Variants in PCDH15 observed in about 807,000 individuals in gnomAD.
The protein encoded by PCDH15 is protocadherin related 15, also known as protocadherin-15.
Under a neutral mutation model 178.5 loss-of-function variants are expected in PCDH15, and 129 were observed. The observed-to-expected ratio is 0.72, with a 90% confidence interval of 0.63 to 0.84. The LOEUF (loss-of-function observed/expected upper bound fraction) is 0.84. Ranked by LOEUF, PCDH15 falls within the 40% of genes least tolerant of loss-of-function variation. The pLI is 0.00. For missense variants in PCDH15, 2,230 were observed against 2,099.9 expected (o/e 1.06, Z -1.21); for synonymous variants, 800 against 732.0 (o/e 1.09, Z -1.50).
chr10:54,062,264 T>TAAA (rs1590190592), intron 18 of PCDH15, among the ~76,000 whole-genome samples: 11 of 77,814 alleles, frequency 1.4e-4, no homozygotes, highest in African/African-American at 3.2e-4. Context: ...AAAAAACAAC[T>TAAA]AAATGAAAAC....
chr10:55,390,225 C>T (rs756154196), intron 2 of PCDH15, among the ~76,000 whole-genome samples: 104 of 151,996 alleles, frequency 6.8e-4, no homozygotes, highest in Non-Finnish European at 1.3e-3. Flanking sequence ...AAGGTATACA[C>T]CTTAATTAAA....
chr10:54,974,865 T>C lies in PCDH15; in HGVS notation c.-79-77365A>G, dbSNP rs372825232. ...TAGAGAACTTTTTCATGCATATTTA[T>C]TTGGGTTTAAGGTAAATCCTAATTA... On this transcript the variant is annotated intron_variant, in intron 2 of 5. Transcript: ENST00000458638. Among the ~76,000 whole-genome samples, 14 of 152,306 alleles carry C rather than the reference T, an allele frequency of 9.2e-5. No homozygotes were observed. In the East Asian group the frequency reaches 2.7e-3, roughly 29 times the overall value.
chr10:54,635,644 G>T (rs2134799329), intron 2 of PCDH15, among the ~76,000 whole-genome samples: 1 of 151,558 alleles, frequency 6.6e-6, no homozygotes, highest in Non-Finnish European at 1.5e-5. Flanking sequence ...AATGTGTTAT[G>T]GTAACAAATA....
chr10:54,757,528 G>A lies in PCDH15; in HGVS notation c.-29+43397C>T, dbSNP rs538913220. On this transcript the variant is annotated intron_variant, in intron 1 of 37. Coordinates refer to ENST00000644397, the MANE Select transcript of PCDH15 (RefSeq NM_001384140.1). ...GATCTCCTGACCTCGTGATCCGCCC[G>A]TCTCGGCCTCCCAAAGTGCTGGGAT... Among the ~76,000 whole-genome samples, 4 of 32,454 alleles carry A rather than the reference G, an allele frequency of 1.2e-4. No individual in the cohort carries two copies. In the South Asian group the frequency reaches 1.7e-3, roughly 14 times the overall value. The allele number at this position is 32,454 out of a possible 152,430, so 21.3% of individuals were successfully genotyped here. A position where few individuals can be genotyped will look rare whatever the true frequency, so the allele number is the denominator to read the frequency against.
intron 2 of PCDH15, among the ~76,000 whole-genome samples, chr10:55,007,720 G>C (rs1839965636): frequency 6.6e-6 from 1 of 152,094 alleles, no homozygotes; most frequent in Non-Finnish European, 1.5e-5. Context: ...CTTCTGGCTT[G>C]AAGGAATACT....
chr10:55,246,205 A>G (rs1338483086), intron 1 of PCDH15, among the ~76,000 whole-genome samples: 3 of 152,216 alleles, frequency 2.0e-5, no homozygotes, highest in South Asian at 2.1e-4. Flanking sequence ...TCGGCTATGA[A>G]TAAATATCAA....
At chr10:53,889,689 C>T (rs2133460222) in intron 26 of PCDH15, among the ~76,000 whole-genome samples, 1 of 152,234 alleles carries the variant, frequency 6.6e-6, no homozygotes, top group African/African-American at 2.4e-5. Flanking sequence ...CCTAGAATTT[C>T]TACTCCTAAG....
intron 2 of PCDH15, among the ~76,000 whole-genome samples, chr10:54,905,430 T>C (rs1463589053): frequency 2.0e-5 from 3 of 151,764 alleles, no homozygotes; most frequent in Admixed American, 6.6e-5. Flanking sequence ...GCTAATGGAG[T>C]TTCCAAGCAT....
chr10:54,305,319 T>C (rs1225002925), intron 8 of PCDH15, among the ~76,000 whole-genome samples: 1 of 152,004 alleles, frequency 6.6e-6, no homozygotes, highest in African/African-American at 2.4e-5. Context: ...AGGAATATAT[T>C]TTATCTAGGT....
intron 2 of PCDH15, among the ~76,000 whole-genome samples, chr10:55,073,905 C>A: frequency 6.6e-6 from 1 of 151,872 alleles, no homozygotes; most frequent in East Asian, 1.9e-4. Context: ...TTGTTCCCCT[C>A]CCTGTGTCCA....
intron 2 of PCDH15, among the ~76,000 whole-genome samples, chr10:55,371,323 C>T (rs1845503433): frequency 6.6e-6 from 1 of 152,062 alleles, no homozygotes; most frequent in African/African-American, 2.4e-5. Flanking sequence ...CCCCAAACTT[C>T]AGAATCAGAA....
chr10:54,281,482 C>A (rs2058702560), intron 8 of PCDH15, among the ~76,000 whole-genome samples: 1 of 151,754 alleles, frequency 6.6e-6, no homozygotes, highest in Non-Finnish European at 1.5e-5. Context: ...GTCTATTAAT[C>A]TTCTCTCTTA....
At chr10:55,363,051 T>C (rs867499747) in intron 2 of PCDH15, among the ~76,000 whole-genome samples, 1 of 152,194 alleles carries the variant, frequency 6.6e-6, no homozygotes, top group African/African-American at 2.4e-5. Flanking sequence ...CTGGACCACA[T>C]GCAGTCCATG....
At chr10:55,341,762 CATAT>C (rs775413614) in intron 2 of PCDH15, among the ~76,000 whole-genome samples, 452 of 43,880 alleles carry the variant, frequency 0.01, 3 homozygotes, top group Middle Eastern at 0.025. Context: ...CATACATATG[CATAT>C]ATATATATAT....
chr10:53,846,663 C>A (rs2077998207), intron 28 of PCDH15, among the ~76,000 whole-genome samples: 1 of 151,968 alleles, frequency 6.6e-6, no homozygotes, highest in African/African-American at 2.4e-5. Context: ...CAATTTACAG[C>A]ATTACCTTAT....
chr10:55,582,628 A>ATATATATATATATTTTTTTTTTT (rs780312007), intron 2 of PCDH15, among the ~76,000 whole-genome samples: 1 of 69,032 alleles, frequency 1.4e-5, no homozygotes, highest in African/African-American at 6.6e-5. Flanking sequence ...ATATATATAT[A>ATATATATATATATTTTTTTTTTT]TTTTTTTTTT....
chr10:54,436,026 GGAGAGGAGA>G (rs1467847638), intron 3 of PCDH15, among the ~76,000 whole-genome samples: 1 of 107,352 alleles, frequency 9.3e-6, no homozygotes, highest in Non-Finnish European at 1.8e-5. Flanking sequence ...GGAGAGGAGA[GGAGAGGAGA>G]GAGAGAGAGA....
chr10:54,169,055 C>G (rs1051985364), intron 13 of PCDH15, among the ~76,000 whole-genome samples: 1 of 152,148 alleles, frequency 6.6e-6, no homozygotes, highest in South Asian at 2.1e-4. Flanking sequence ...GGCCACTGGG[C>G]CAAGGAATGC....
At chr10:54,165,561 A>C (rs1475185986) in intron 13 of PCDH15, among the ~76,000 whole-genome samples, 1 of 152,148 alleles carries the variant, frequency 6.6e-6, no homozygotes, top group African/African-American at 2.4e-5. Flanking sequence ...AAACTCTGAG[A>C]CTGGAAACTG....
Sources: allele counts gnomAD v4.1 joint callset (sites outside exome capture counted in the v4.1 genomes callset), GRCh38; gene constraint gnomAD v4.1.1; transcripts MANE v1.5; gene names NCBI Gene and HGNC (gene_info 2026-07-23, HGNC 2026-07-21).